The following ATP8B1 variants were observed in gnomAD, a reference collection of about 807,000 sequenced individuals.
The protein encoded by ATP8B1 is ATPase phospholipid transporting 8B1.
A neutral mutation model predicts 149.9 loss-of-function variants in ATP8B1; 80 were observed. The observed-to-expected ratio is 0.53, with a 90% CI of 0.45 to 0.64. ATP8B1 has a LOEUF of 0.64. Among genes scored for constraint, ATP8B1 ranks in the 30% least tolerant of loss-of-function variants. ATP8B1 has a pLI of 0.00. For synonymous variants in ATP8B1, 536 were observed against 562.8 expected, an observed-to-expected ratio of 0.95 and a Z score of 0.67; for missense variants, 1,247 against 1,552.6, an observed-to-expected ratio of 0.80 and a Z score of 3.31.
chr18:57,668,993 G>A (rs1042579448), intron 18 of ATP8B1: 14 of 212,874 alleles, frequency 6.6e-5, no homozygotes, highest in African/African-American at 2.8e-4. Flanking sequence ...GAATTGTTTC[G>A]GTAATTCCCC....
intron 2 of ATP8B1, among the ~76,000 whole-genome samples, chr18:57,707,026 G>C (rs1274628775): frequency 6.6e-6 from 1 of 152,230 alleles, no homozygotes; most frequent in East Asian, 1.9e-4. Flanking sequence ...GAGGAAGCAG[G>C]CCGGGCGCGG....
intron 13 of ATP8B1, among the ~76,000 whole-genome samples, chr18:57,686,567 TCCACCA>T (rs958272598): frequency 3.3e-5 from 5 of 152,084 alleles, no homozygotes; most frequent in South Asian, 2.1e-4. Flanking sequence ...ACTAGAGGCA[TCCACCA>T]CCACGCCCAG....
intron 1 of ATP8B1, among the ~76,000 whole-genome samples, chr18:57,772,347 G>C (rs2080270543): frequency 6.6e-6 from 1 of 152,176 alleles, no homozygotes; most frequent in South Asian, 2.1e-4. Flanking sequence ...CAAGTCCCAA[G>C]CTGGGCCACT....
chr18:57,741,776 CA>C (rs1818844241), intron 1 of ATP8B1, among the ~76,000 whole-genome samples: 1 of 152,154 alleles, frequency 6.6e-6, no homozygotes, highest in African/African-American at 2.4e-5. Flanking sequence ...CAAGTTATTC[CA>C]AAGAGCCCCC....
At chr18:57,665,092 G>A (rs969527294) in intron 20 of ATP8B1, among the ~76,000 whole-genome samples, 2 of 151,568 alleles carry the variant, frequency 1.3e-5, no homozygotes, top group African/African-American at 2.4e-5. Flanking sequence ...CAGTGCCAAA[G>A]GGTCCCTGGA....
Position 57,688,530 on chromosome 18 carries a change from T to G in ATP8B1, c.1221-23A>C, listed in dbSNP as rs758797941. 8.1e-6 allele frequency: 13 copies of G among 1,612,352 alleles called. No individual in the cohort carries two copies. In the South Asian group the frequency reaches 1.4e-4, roughly 18 times the overall value. ...ACGCTAGGAAGACAGAAGATTATTT[T>G]CCGTAGAGAGCTCGGATACGAGTGG... On this transcript the variant is annotated intron_variant, in intron 12 of 27. Transcript: ENST00000648908.
At chr18:57,653,474 T>TG (rs1303249726) in intron 24 of ATP8B1, among the ~76,000 whole-genome samples, 2 of 151,730 alleles carry the variant, frequency 1.3e-5, no homozygotes, top group East Asian at 3.9e-4. Flanking sequence ...TCTGTAGAGA[T>TG]GGGGTCTCCC....
At chr18:57,652,877 A>G (rs754957154) in intron 24 of ATP8B1, 148 bp from the exon 25 acceptor site, 49 of 995,124 alleles carry the variant, frequency 4.9e-5, no homozygotes, top group Admixed American at 9.7e-5. Flanking sequence ...CAATCCTGCA[A>G]TATTTGTGGT....
chr18:57,688,279 G>A lies in ATP8B1; in HGVS notation c.1429+20C>T. ...AGGCAGCCCCACTCACCCAGAAAAT[G>A]AGTGACGGCTTCCACTTACCATATA... On this transcript the variant is annotated intron_variant, in intron 13 of 27. Transcript: ENST00000648908. 1.9e-6 allele frequency: 3 copies of A among 1,610,776 alleles called. No homozygotes were observed. The highest frequency in any genetic ancestry group is 2.5e-6 in the Non-Finnish European group (3 of 1,177,498).
chr18:57,732,097 GTATATATATATGTATATA>G lies in ATP8B1; in HGVS notation c.-25-283_-25-266del, dbSNP rs1460061224. The G allele has an allele frequency of 6.1e-3, 1,389 of 226,860 alleles. 197 individuals carry two copies. The highest frequency in any genetic ancestry group is 7.6e-3 in the Admixed American group (103 of 13,492). The allele number at this position is 226,860 out of a possible 1,614,324, so 14.1% of individuals were successfully genotyped here. A position where few individuals can be genotyped will look rare whatever the true frequency, so the allele number is the denominator to read the frequency against. ...CAAGGGTATATATATATATGTATGT[GTATATATATATGTATATA>G]TGTATATATATGTGTATATGTATAT... On this transcript the variant is annotated intron_variant, in intron 1 of 27. Coordinates refer to ENST00000648908, the MANE Select transcript of ATP8B1 (RefSeq NM_001374385.1).
At chr18:57,657,736 A>C (rs1910100746) in intron 22 of ATP8B1, among the ~76,000 whole-genome samples, 1 of 152,216 alleles carries the variant, frequency 6.6e-6, no homozygotes, top group Non-Finnish European at 1.5e-5. Flanking sequence ...CACTGAGGAA[A>C]ATGCTGAGAT....
intron 19 of ATP8B1, 64 bp from the exon 20 acceptor site, chr18:57,667,231 T>TTG: frequency 4.3e-6 from 6 of 1,383,146 alleles, no homozygotes; most frequent in Non-Finnish European, 4.1e-6. Flanking sequence ...TTATTTTGTT[T>TTG]TTTGAGACAG....
chr18:57,651,627 CTTTG>C (rs1232561310), intron 26 of ATP8B1, among the ~76,000 whole-genome samples: 2 of 151,454 alleles, frequency 1.3e-5, no homozygotes, highest in Non-Finnish European at 2.9e-5. Flanking sequence ...TTTTGTTGTG[CTTTG>C]TTTTTTTTGT....
chr18:57,703,914 A>G (rs73443020), intron 4 of ATP8B1, among the ~76,000 whole-genome samples: 3,255 of 152,304 alleles, frequency 0.021, 125 homozygotes, highest in African/African-American at 0.074. Context: ...ATAAAAGACA[A>G]GCACAAAATA....
In ATP8B1 at chr18:57,719,588, A is replaced by AC. The variant is rs1353260203; in HGVS notation, c.181+12038dup. 7.2e-5 allele frequency among the ~76,000 whole-genome samples: 11 copies of AC among 152,296 alleles called. No individual in the cohort carries two copies. In the East Asian group the frequency reaches 2.1e-3, roughly 29 times the overall value. ...ACGGCGCACCTAGAGACTATATCCC[A>AC]CACCTGGCTCGGAGGGTCCTACGCC... On this transcript the variant is annotated intron_variant, in intron 2 of 27. Coordinates refer to ENST00000648908, the MANE Select transcript of ATP8B1 (RefSeq NM_001374385.1).
At chr18:57,768,748 T>G (rs535745117) in intron 1 of ATP8B1, among the ~76,000 whole-genome samples, 3 of 152,176 alleles carry the variant, frequency 2.0e-5, no homozygotes, top group Non-Finnish European at 4.4e-5. Flanking sequence ...CAAATCCCTA[T>G]GCCAAGGATA....
chr18:57,792,804 T>C (rs879365476), intron 1 of ATP8B1, among the ~76,000 whole-genome samples: 5 of 152,118 alleles, frequency 3.3e-5, no homozygotes, highest in Non-Finnish European at 5.9e-5. Flanking sequence ...TGTATGGAGA[T>C]GGGGAGTGGC....
At chr18:57,666,382 T>G (rs1020329184) in intron 20 of ATP8B1, among the ~76,000 whole-genome samples, 1 of 152,052 alleles carries the variant, frequency 6.6e-6, no homozygotes, top group African/African-American at 2.4e-5. Flanking sequence ...ACACATTTCC[T>G]TCCCGCAAAA....
rs562664754 is a variant in ATP8B1, at chr18:57,661,813, C to T, written c.2419-351G>A. On this transcript the variant is annotated intron_variant, in intron 21 of 27. Coordinates refer to ENST00000648908, the MANE Select transcript of ATP8B1 (RefSeq NM_001374385.1). ...CACTGTAACCTCTGCCTTCCAGGTTCAAGCAATTTCCCTGCCTCAGCCTCC... is the reference window on the plus strand; with the variant it reads ...CACTGTAACCTCTGCCTTCCAGGTTTAAGCAATTTCCCTGCCTCAGCCTCC... 3.5e-3 allele frequency among the ~76,000 whole-genome samples: 518 copies of T among 149,562 alleles called. 5 individuals carry two copies. Among genetic ancestry groups the T allele is most frequent in the African/African-American group, 0.012 (493 of 40,552 alleles).
Sources: gnomAD v4.1 joint callset for allele counts (sites outside exome capture counted in the v4.1 genomes callset) on GRCh38, gnomAD v4.1.1 for gene constraint, MANE v1.5 for transcripts, NCBI Gene and HGNC (gene_info 2026-07-23, HGNC 2026-07-21) for gene names.